The following EPB41L3 variants were observed in gnomAD, a reference collection of about 807,000 sequenced individuals.
EPB41L3 encodes the protein band 4.1-like protein 3.
A neutral mutation model predicts 127.1 loss-of-function variants in EPB41L3; 57 were observed. That is an observed-to-expected ratio of 0.45 (90% confidence interval 0.36 to 0.56). The LOEUF (loss-of-function observed/expected upper bound fraction) is 0.56. EPB41L3 is among the 20% of genes least tolerant of loss of function. The pLI is 0.00. For missense variants in EPB41L3, 1,273 were observed against 1,372.2 expected, an observed-to-expected ratio of 0.93 and a Z score of 1.14; for synonymous variants, 572 against 549.5, an observed-to-expected ratio of 1.04 and a Z score of -0.57.
At chr18:5,528,233 A>C (rs1621335) in intron 1 of EPB41L3, among the ~76,000 whole-genome samples, 1 of 151,934 alleles carries the variant, frequency 6.6e-6, no homozygotes, top group Non-Finnish European at 1.5e-5. Context: ...CAGTGGTGCA[A>C]TCATAGCTCA....
chr18:5,543,849 C>G lies in EPB41L3; in HGVS notation c.-12+64G>C. 2 of 983,006 alleles carry G rather than the reference C, an allele frequency of 2.0e-6. No individual in the cohort carries two copies. The highest frequency in any genetic ancestry group is 2.4e-6 in the Non-Finnish European group (2 of 827,840). 60.9% of individuals were successfully genotyped at this position (983,006 alleles called of 1,614,324 possible). On this transcript the variant is annotated intron_variant, in intron 1 of 22. Coordinates refer to ENST00000341928, the MANE Select transcript of EPB41L3 (RefSeq NM_012307.5). This position sits in a 1 kb window ranked among gnomAD's most constrained non-coding sequence, Gnocchi z 5.2. ...GCCTCGCCCCAGGCCTCGGGCTCTT[C>G]CTCCGCACCTCGTAAAGCCGAGACC...
In EPB41L3 at chr18:5,564,418, G is replaced by A. The variant is rs182692014; in HGVS notation, c.-306+47922C>T. On this transcript the variant is annotated intron_variant, in intron 3 of 21. Coordinates refer to the EPB41L3 transcript ENST00000545076. ...GGATGCTAGCAAGAAATTAATCAAGGAAAAGGGGTTTTTGTGTTTGCTTTG... is the reference window on the plus strand; with the variant it reads ...GGATGCTAGCAAGAAATTAATCAAGAAAAAGGGGTTTTTGTGTTTGCTTTG... Among the ~76,000 whole-genome samples the A allele has an allele frequency of 6.0e-3, 908 of 152,234 alleles. 2 individuals are homozygous for A. The highest frequency in any genetic ancestry group is 1.0e-2 in the Non-Finnish European group (680 of 68,006).
rs753306885 is a variant in EPB41L3 at position 5,395,651 on chromosome 18, T to A, written c.3030A>T (p.Thr1010=). 1 of 1,614,174 alleles carries A rather than the reference T, an allele frequency of 6.2e-7. No individual in the cohort carries two copies. Among genetic ancestry groups the A allele is most frequent in the Non-Finnish European group, 8.5e-7 (1 of 1,180,026 alleles). The part of the protein sequence containing the change: ...PGVLMSAQTI[T]SETTSTTTTT... Reference sequence around the variant, plus strand: ...TGGTGGTGGTACTGGTGGTTTCAGATGTGATCGTCTGTGCACTCATCAGCA... The same window carrying A: ...TGGTGGTGGTACTGGTGGTTTCAGAAGTGATCGTCTGTGCACTCATCAGCA... Residue 1010 remains threonine (T), a synonymous_variant, in exon 20 of 23, where the codon ACA becomes ACT. Coordinates refer to ENST00000341928, the MANE Select transcript of EPB41L3 (RefSeq NM_012307.5).
chr18:5,464,431 G>C (rs76791120), intron 3 of EPB41L3, among the ~76,000 whole-genome samples: 4,359 of 152,076 alleles, frequency 0.029, 97 homozygotes, highest in South Asian at 0.096. Context: ...TTCAAAATCT[G>C]GCCCCTAAAA....
At chr18:5,561,996 G>A (rs1007730522) in intron 3 of EPB41L3, among the ~76,000 whole-genome samples, 1 of 152,176 alleles carries the variant, frequency 6.6e-6, no homozygotes, top group Non-Finnish European at 1.5e-5. Flanking sequence ...ATGAAAGACA[G>A]GTGAAAACTG....
chr18:5,605,816 C>A (rs1270093035), intron 3 of EPB41L3, among the ~76,000 whole-genome samples: 1 of 152,046 alleles, frequency 6.6e-6, no homozygotes, highest in Non-Finnish European at 1.5e-5. Flanking sequence ...AGGCACACAC[C>A]AGATGCTGTA....
chr18:5,431,560 T>C (rs778986052), intron 8 of EPB41L3, among the ~76,000 whole-genome samples: 3 of 152,232 alleles, frequency 2.0e-5, no homozygotes, highest in Non-Finnish European at 4.4e-5. Context: ...GCTATAGCAA[T>C]GTTAAGTGAT....
chr18:5,518,875 C>A (rs73381516), intron 1 of EPB41L3, among the ~76,000 whole-genome samples: 16 of 152,060 alleles, frequency 1.1e-4, no homozygotes, highest in Non-Finnish European at 2.1e-4. Flanking sequence ...AAAAGGAGTA[C>A]GCAAATTAAA....
chr18:5,527,084 A>G (rs908638720), intron 1 of EPB41L3, among the ~76,000 whole-genome samples: 1 of 152,114 alleles, frequency 6.6e-6, no homozygotes, highest in African/African-American at 2.4e-5. Flanking sequence ...GCCAGATGGT[A>G]TATCAGGGAA....
At chr18:5,446,339 G>C (rs2081471423) in intron 3 of EPB41L3, among the ~76,000 whole-genome samples, 1 of 151,966 alleles carries the variant, frequency 6.6e-6, no homozygotes, top group East Asian at 1.9e-4. Context: ...AGAAAAAGAT[G>C]GTCATTTGGA....
chr18:5,416,034 C>G lies in EPB41L3; in HGVS notation c.1851G>C (p.Leu617=). The part of the protein sequence containing the change: ...SFPNLSETNL[L]PQSLQHYLPI... ...GGAGGTAATGCTGCAAGCTCTGGGG[C>G]AGGAGGTTGGTTTCAGAAAGGTTGG... The change falls in exon 13 of 23, where the codon CTG becomes CTC. Residue 617 remains leucine, a synonymous_variant. Transcript: ENST00000341928. The G allele has an allele frequency of 6.2e-7, 1 of 1,613,792 alleles. No individual in the cohort carries two copies. Among genetic ancestry groups the G allele is most frequent in the Non-Finnish European group, 8.5e-7 (1 of 1,179,854 alleles).
rs72378439 is a variant in EPB41L3 at position 5,452,782 on chromosome 18, TTG to T, written c.382-7540_382-7539del. Among the ~76,000 whole-genome samples, 647 of 150,784 alleles carry T rather than the reference TTG, an allele frequency of 4.3e-3. 3 individuals are homozygous for T. The highest frequency in any genetic ancestry group is 8.4e-3 in the Admixed American group (128 of 15,162). On this transcript the variant is annotated intron_variant, in intron 3 of 22. Coordinates refer to ENST00000341928, the MANE Select transcript of EPB41L3 (RefSeq NM_012307.5). ...AAAACCAGAAATGTTTAAAAATTTG[TTG>T]TGTGTGTGTGTGTGTGTGTGTTTTT...
At chr18:5,399,220 A>C in intron 16 of EPB41L3, 1 of 399,010 alleles carries the variant, frequency 2.5e-6, no homozygotes, top group Non-Finnish European at 4.4e-6. Context: ...TCTCGAGCCA[A>C]TTCTTCGAAG....
rs397828412 is a variant in EPB41L3 at position 5,498,594 on chromosome 18, C to CAAAAAAAAAA, written c.-11-9410_-11-9401dup. ...GGGTAACAAGAGCGAGACTCCATCT[C>CAAAAAAAAAA]AAAAAAAAAAAAAAAAAGAAAATGG... On this transcript the variant is annotated intron_variant, in intron 1 of 22. Transcript: ENST00000341928. 1.8e-4 allele frequency among the ~76,000 whole-genome samples: 13 copies of CAAAAAAAAAA among 70,486 alleles called. 1 individual carries two copies. Among genetic ancestry groups the CAAAAAAAAAA allele is most frequent in the East Asian group, 5.0e-4 (1 of 1,994 alleles). The allele number at this position is 70,486 out of a possible 152,430, so 46.2% of individuals were successfully genotyped here.
chr18:5,465,971 A>AC lies in EPB41L3; in HGVS notation c.381+12269dup, dbSNP rs748243850. On this transcript the variant is annotated intron_variant, in intron 3 of 22. Coordinates refer to ENST00000341928, the MANE Select transcript of EPB41L3 (RefSeq NM_012307.5). ...TGATCCATATGTATTACCACCACCA[A>AC]CAAAAAAAAAAAAGTAGGAAAAAAA... Among the ~76,000 whole-genome samples, 150 of 120,630 alleles carry AC rather than the reference A, an allele frequency of 1.2e-3. 1 individual carries two copies. The highest frequency in any genetic ancestry group is 2.2e-3 in the Non-Finnish European group (126 of 58,356). The allele number at this position is 120,630 out of a possible 152,430, so 79.1% of individuals were successfully genotyped here. A position where few individuals can be genotyped will look rare whatever the true frequency, so the allele number is the denominator to read the frequency against.
At chr18:5,452,894 T>C (rs2082482751) in intron 3 of EPB41L3, among the ~76,000 whole-genome samples, 1 of 152,162 alleles carries the variant, frequency 6.6e-6, no homozygotes, top group Non-Finnish European at 1.5e-5. Context: ...TGACCCTTAG[T>C]AGGTTAATAA....
chr18:5,510,574 G>A (rs2092461531), intron 1 of EPB41L3, among the ~76,000 whole-genome samples: 3 of 152,188 alleles, frequency 2.0e-5, no homozygotes, highest in Admixed American at 6.5e-5. Context: ...GTATGTATGG[G>A]AACCACAAAT....
upstream of EPB41L3, among the ~76,000 whole-genome samples, chr18:5,630,055 C>A (rs1254134785): frequency 6.6e-6 from 1 of 152,204 alleles, no homozygotes; most frequent in Non-Finnish European, 1.5e-5. Flanking sequence ...TTCGCAGAGG[C>A]GCCGCGCCCG....
intron 3 of EPB41L3, among the ~76,000 whole-genome samples, chr18:5,472,267 G>A (rs1447770238): frequency 6.6e-6 from 1 of 152,140 alleles, no homozygotes; most frequent in African/African-American, 2.4e-5. Flanking sequence ...CATGTTAACA[G>A]TCCCTGTATG....
Sources: allele counts gnomAD v4.1 joint callset (sites outside exome capture counted in the v4.1 genomes callset), GRCh38; gene constraint gnomAD v4.1.1; non-coding constraint Gnocchi (gnomAD v3.1); transcripts MANE v1.5; gene names NCBI Gene and HGNC (gene_info 2026-07-23, HGNC 2026-07-21).